Variants in LMX1A observed in about 807,000 individuals in gnomAD.
LMX1A encodes the protein LIM homeobox transcription factor 1 alpha.
Under a neutral mutation model 49.1 loss-of-function variants are expected in LMX1A, and 15 were observed. The ratio of observed to expected loss-of-function variants is 0.31; its 90% CI spans 0.20 to 0.47. The LOEUF is 0.47. Ranked by LOEUF, LMX1A falls within the 20% of genes least tolerant of loss-of-function variation. The pLI is 1.00. For missense variants in LMX1A, 372 were observed against 475.8 expected (o/e 0.78, Z 2.03); for synonymous variants, 167 against 185.7 (o/e 0.90, Z 0.82).
intron 3 of LMX1A, among the ~76,000 whole-genome samples, chr1:165,270,397 T>C (rs1013975200): frequency 6.6e-6 from 1 of 152,086 alleles, no homozygotes; most frequent in African/African-American, 2.4e-5. Flanking sequence ...GAAACTCCTG[T>C]GGGGGCAAGC....
At chr1:165,247,884 G>A (rs1454954275) in intron 4 of LMX1A, among the ~76,000 whole-genome samples, 1 of 152,210 alleles carries the variant, frequency 6.6e-6, no homozygotes, top group African/African-American at 2.4e-5. Flanking sequence ...CCACTTGTCT[G>A]TCTCCAAAGC....
At chr1:165,255,050 C>G (rs1335855825) in intron 3 of LMX1A, among the ~76,000 whole-genome samples, 3 of 152,168 alleles carry the variant, frequency 2.0e-5, no homozygotes, top group African/African-American at 4.8e-5. Flanking sequence ...ATTGATCACT[C>G]TCTGTGGGGA....
intron 3 of LMX1A, among the ~76,000 whole-genome samples, chr1:165,312,562 G>A (rs1019805839): frequency 6.6e-6 from 1 of 152,166 alleles, no homozygotes; most frequent in Non-Finnish European, 1.5e-5. Context: ...CTGTCTCTTG[G>A]ATTGTTCATG....
At chr1:165,316,331 A>G (rs2101738939) in intron 3 of LMX1A, among the ~76,000 whole-genome samples, 1 of 152,318 alleles carries the variant, frequency 6.6e-6, no homozygotes. Flanking sequence ...GGCAGAGCAG[A>G]GAGGCCTGGG....
intron 3 of LMX1A, among the ~76,000 whole-genome samples, chr1:165,292,061 C>CA (rs771664986): frequency 0.24 from 19,361 of 82,174 alleles, 3,130 homozygotes; most frequent in Middle Eastern, 0.38. Context: ...AACTCCGTCT[C>CA]AAAAAAAAAA....
chr1:165,293,910 T>C (rs1352915365), intron 3 of LMX1A, among the ~76,000 whole-genome samples: 1 of 152,114 alleles, frequency 6.6e-6, no homozygotes, highest in East Asian at 1.9e-4. Context: ...ACATGTGAAT[T>C]TGGGAGGACA....
intron 3 of LMX1A, among the ~76,000 whole-genome samples, chr1:165,344,424 T>C (rs1307833062): frequency 1.3e-5 from 2 of 152,140 alleles, no homozygotes; most frequent in Non-Finnish European, 2.9e-5. Flanking sequence ...AAACTCTAGA[T>C]GGTTATGTTT....
chr1:165,322,173 T>G (rs1655406214), intron 3 of LMX1A, among the ~76,000 whole-genome samples: 1 of 151,772 alleles, frequency 6.6e-6, no homozygotes, highest in African/African-American at 2.4e-5. Flanking sequence ...AAATGAAAAA[T>G]AATGAGTGTT....
intron 3 of LMX1A, among the ~76,000 whole-genome samples, chr1:165,330,897 A>C (rs1009092390): frequency 4.6e-5 from 7 of 152,214 alleles, no homozygotes; most frequent in African/African-American, 1.7e-4. Flanking sequence ...CACATACTCC[A>C]AGTAGTCCAA....
intron 5 of LMX1A, among the ~76,000 whole-genome samples, chr1:165,211,612 G>A (rs1651399096): frequency 1.3e-5 from 2 of 152,192 alleles, no homozygotes; most frequent in Admixed American, 1.3e-4. Flanking sequence ...GAAGCCTTGA[G>A]AAATACTTCC....
intron 3 of LMX1A, among the ~76,000 whole-genome samples, chr1:165,296,679 G>A (rs1654630978): frequency 6.6e-6 from 1 of 152,202 alleles, no homozygotes; most frequent in African/African-American, 2.4e-5. Flanking sequence ...TCATATAATG[G>A]GATCTGGGCC....
At chr1:165,236,852 G>GT (rs11302510) in intron 4 of LMX1A, among the ~76,000 whole-genome samples, 81,838 of 144,122 alleles carry the variant, frequency 0.57, 23,943 homozygotes, top group Non-Finnish European at 0.65. Context: ...GGAGTTCAAA[G>GT]TTTTTTTTTT....
chr1:165,293,331 T>C (rs774192853), intron 3 of LMX1A, among the ~76,000 whole-genome samples: 2 of 152,186 alleles, frequency 1.3e-5, no homozygotes, highest in African/African-American at 2.4e-5. Context: ...AAAATAGCAC[T>C]TTCACAAATA....
intron 4 of LMX1A, among the ~76,000 whole-genome samples, chr1:165,217,814 GTTGC>G (rs1446011572): frequency 6.6e-6 from 1 of 152,210 alleles, no homozygotes; most frequent in Non-Finnish European, 1.5e-5. Flanking sequence ...GAGTGTTTCT[GTTGC>G]TTTTGTGGTG....
At chr1:165,261,360 A>T (rs1416931500) in intron 3 of LMX1A, among the ~76,000 whole-genome samples, 1 of 152,184 alleles carries the variant, frequency 6.6e-6, no homozygotes, top group Non-Finnish European at 1.5e-5. Flanking sequence ...CATACCCCTT[A>T]CAATGGCTAC....
intron 3 of LMX1A, among the ~76,000 whole-genome samples, chr1:165,281,730 T>TTGTGTG (rs61207728): frequency 4.7e-4 from 71 of 149,638 alleles, no homozygotes; most frequent in Middle Eastern, 3.5e-3. Flanking sequence ...AGGCAATATT[T>TTGTGTG]TGTGTGTGTG....
intron 4 of LMX1A, among the ~76,000 whole-genome samples, chr1:165,247,515 T>C (rs987905182): frequency 6.6e-6 from 1 of 152,008 alleles, no homozygotes; most frequent in Admixed American, 6.5e-5. Context: ...CAAGGAGAAA[T>C]TTCCCTCAAA....
rs1655042592 is a variant in LMX1A at position 165,310,392 on chromosome 1, TTTTC to T, written c.263+42680_263+42683del. 2.0e-5 allele frequency among the ~76,000 whole-genome samples: 3 copies of T among 152,338 alleles called. No individual in the cohort carries two copies. In the South Asian group the frequency reaches 6.2e-4, roughly 32 times the overall value. ...TGACAAAAAGCACCTTCTTTGTCTGTTTTCTTTGTGTTTTTAATAGAAACTCATC... is the reference window on the plus strand; with the variant it reads ...TGACAAAAAGCACCTTCTTTGTCTGTTTTGTGTTTTTAATAGAAACTCATC... On this transcript the variant is annotated intron_variant, in intron 3 of 8. Transcript: ENST00000342310.
At chr1:165,302,465 G>T (rs984276199) in intron 3 of LMX1A, among the ~76,000 whole-genome samples, 1 of 151,482 alleles carries the variant, frequency 6.6e-6, no homozygotes, top group Non-Finnish European at 1.5e-5. Flanking sequence ...TAAAATAAAG[G>T]AAAAAAAAGA....
Sources: gnomAD v4.1 joint callset for allele counts (sites outside exome capture counted in the v4.1 genomes callset) on GRCh38, gnomAD v4.1.1 for gene constraint, MANE v1.5 for transcripts, NCBI Gene and HGNC (gene_info 2026-07-23, HGNC 2026-07-21) for gene names.